The following TEX9 variants were observed in gnomAD, a reference collection of about 807,000 sequenced individuals.
The protein encoded by TEX9 is testis-expressed protein 9.
TEX9 carries 74 observed loss-of-function variants against 59.6 expected under a neutral mutation model. The ratio of observed to expected loss-of-function variants is 1.24; its 90% CI spans 1.03 to 1.51. TEX9 has a LOEUF of 1.51. TEX9 is among the 40% of genes most tolerant of loss of function. TEX9 has a pLI of 0.00. For synonymous variants in TEX9, 186 were observed against 152.2 expected (o/e 1.22, Z -1.64); for missense variants, 522 against 447.8 (o/e 1.17, Z -1.49).
intron 1 of TEX9, among the ~76,000 whole-genome samples, chr15:56,347,343 A>G (rs1165392131): frequency 6.6e-6 from 1 of 152,182 alleles, no homozygotes; most frequent in Non-Finnish European, 1.5e-5. Context: ...ATGTATATAT[A>G]GTAATCAGGG....
intron 3 of TEX9, among the ~76,000 whole-genome samples, chr15:56,377,081 C>A (rs754412034): frequency 1.3e-5 from 2 of 152,034 alleles, no homozygotes; most frequent in Non-Finnish European, 2.9e-5. Context: ...GGATTTGTTT[C>A]TGGATTTTCT....
intron 1 of TEX9, among the ~76,000 whole-genome samples, chr15:56,332,477 G>T (rs1487472707): frequency 3.4e-4 from 47 of 138,108 alleles, no homozygotes; most frequent in African/African-American, 1.1e-3. Context: ...CGTGGGGTGG[G>T]GGGAGGGGGG....
intron 1 of TEX9, among the ~76,000 whole-genome samples, chr15:56,307,773 A>G (rs1184522677): frequency 2.0e-5 from 3 of 152,224 alleles, no homozygotes; most frequent in African/African-American, 2.4e-5. Flanking sequence ...TCTGGAAACC[A>G]TTAATCTACT....
intron 3 of TEX9, among the ~76,000 whole-genome samples, chr15:56,376,441 A>T (rs2047456558): frequency 6.6e-6 from 1 of 152,092 alleles, no homozygotes; most frequent in Non-Finnish European, 1.5e-5. Context: ...TGTCTTTTGG[A>T]TATAAGCCAT....
intron 9 of TEX9, among the ~76,000 whole-genome samples, chr15:56,404,225 A>C (rs1218248087): frequency 6.6e-6 from 1 of 152,232 alleles, no homozygotes; most frequent in Non-Finnish European, 1.5e-5. Flanking sequence ...AAATTTTTGC[A>C]ATCCACCCAT....
intron 1 of TEX9, among the ~76,000 whole-genome samples, chr15:56,309,557 G>A (rs995754004): frequency 1.3e-5 from 2 of 151,860 alleles, no homozygotes; most frequent in Non-Finnish European, 2.9e-5. Context: ...TTGGTATGGT[G>A]GTAATGAATG....
chr15:56,263,940 A>G (rs2044323818), intron 1 of TEX9, among the ~76,000 whole-genome samples: 1 of 152,168 alleles, frequency 6.6e-6, no homozygotes, highest in African/African-American at 2.4e-5. Flanking sequence ...CTATCCATTC[A>G]CCAGGTGAAA....
intron 9 of TEX9, 102 bp downstream of exon 9, chr15:56,394,936 TTAG>T: frequency 6.9e-6 from 8 of 1,153,154 alleles, no homozygotes; most frequent in Non-Finnish European, 9.6e-6. Context: ...AGTTATTTTA[TTAG>T]TATTTACTGA....
intron 1 of TEX9, among the ~76,000 whole-genome samples, chr15:56,249,987 A>G (rs2043976479): frequency 1.3e-5 from 2 of 152,108 alleles, no homozygotes; most frequent in Admixed American, 1.3e-4. Context: ...GTCAAAGTCC[A>G]TCTTCCATTT....
exon 4 of TEX9, chr15:56,384,003 T>C: frequency 6.2e-7 from 1 of 1,612,852 alleles, no homozygotes; most frequent in East Asian, 2.2e-5. Context: ...AATGAAATCA[T>C]GTGATGACGA....
chr15:56,421,344 C>G lies in TEX9; in HGVS notation c.964-6261C>G, dbSNP rs116566961. 9.3e-3 allele frequency among the ~76,000 whole-genome samples: 1,415 copies of G among 151,788 alleles called. 53 individuals carry two copies. The highest frequency in any genetic ancestry group is 0.032 in the African/African-American group (1,334 of 41,204). On this transcript the variant is annotated intron_variant, in intron 10 of 12. Coordinates refer to ENST00000352903, the Ensembl canonical transcript of TEX9. Reference sequence around the variant, plus strand: ...GCATTCTGATACAGGTTGAGTATCCCTTATCAGAAATGCTTGGGACCAGAA... The same window carrying G: ...GCATTCTGATACAGGTTGAGTATCCGTTATCAGAAATGCTTGGGACCAGAA...
At chr15:56,365,897 A>G in intron 2 of TEX9, 1 of 1,372,770 alleles carries the variant, frequency 7.3e-7, no homozygotes. Context: ...AGCCCAAGTA[A>G]GCATGTTGTT....
chr15:56,435,431 C>G (rs1204433735), intron 12 of TEX9, among the ~76,000 whole-genome samples: 3 of 149,494 alleles, frequency 2.0e-5, no homozygotes, highest in Admixed American at 1.3e-4. Flanking sequence ...CAAGGCTGAC[C>G]TAGAAAAAAA....
intron 1 of TEX9, among the ~76,000 whole-genome samples, chr15:56,351,087 T>C (rs575570630): frequency 1.3e-4 from 20 of 152,162 alleles, no homozygotes; most frequent in Non-Finnish European, 2.5e-4. Context: ...TTTCCGTGTC[T>C]TGAGGAAAAG....
intron 1 of TEX9, among the ~76,000 whole-genome samples, chr15:56,343,396 C>T (rs1003952889): frequency 6.6e-6 from 1 of 151,744 alleles, no homozygotes; most frequent in African/African-American, 2.4e-5. Context: ...AAGCTAAGAA[C>T]AGAAATCAAT....
intron 10 of TEX9, among the ~76,000 whole-genome samples, chr15:56,426,899 G>A (rs2050309999): frequency 6.6e-6 from 1 of 151,768 alleles, no homozygotes; most frequent in Non-Finnish European, 1.5e-5. Flanking sequence ...TCTCCCGCTT[G>A]TCATGGGAAG....
At chr15:56,430,531 G>A (rs971457145) in intron 12 of TEX9, among the ~76,000 whole-genome samples, 1 of 152,158 alleles carries the variant, frequency 6.6e-6, no homozygotes, top group African/African-American at 2.4e-5. Context: ...TGAAGTCACA[G>A]TGTGTCTCAG....
At chr15:56,276,851 T>C (rs180790952) in intron 1 of TEX9, among the ~76,000 whole-genome samples, 1 of 151,896 alleles carries the variant, frequency 6.6e-6, no homozygotes, top group African/African-American at 2.4e-5. Context: ...TGCTTCCTGA[T>C]AGCCGTTCTA....
intron 1 of TEX9, among the ~76,000 whole-genome samples, chr15:56,292,940 C>A (rs528772199): frequency 9.8e-5 from 15 of 152,320 alleles, no homozygotes; most frequent in African/African-American, 3.6e-4. Flanking sequence ...TATCCTGCTT[C>A]CCTCATATCC....
Sources: gnomAD v4.1 joint callset for allele counts (sites outside exome capture counted in the v4.1 genomes callset) on GRCh38, gnomAD v4.1.1 for gene constraint, MANE v1.5 for transcripts, NCBI Gene and HGNC (gene_info 2026-07-23, HGNC 2026-07-21) for gene names.